The following C2CD2L variants were observed in gnomAD, a reference collection of about 807,000 sequenced individuals.
The protein encoded by C2CD2L is phospholipid transfer protein C2CD2L.
Under a neutral mutation model 69.9 loss-of-function variants are expected in C2CD2L, and 24 were observed. The ratio of observed to expected loss-of-function variants is 0.34; its 90% confidence interval spans 0.25 to 0.48. The LOEUF (loss-of-function observed/expected upper bound fraction) is 0.48. Among genes scored for constraint, C2CD2L ranks in the 20% least tolerant of loss-of-function variants. The pLI, the probability that C2CD2L is intolerant of heterozygous loss-of-function variation, is 0.99. For missense variants in C2CD2L, 811 were observed against 941.5 expected (o/e 0.86, Z 1.81); for synonymous variants, 367 against 391.0 (o/e 0.94, Z 0.72).
In C2CD2L at chr11:119,114,233, A is replaced by G. The variant is rs1178381565; in HGVS notation, c.1777A>G (p.Ser593Gly). Reference protein sequence around the residue: ...MSPGPLDALSSPTSVQEADET... With the variant: ...MSPGPLDALSGPTSVQEADET... ...TCCAGGACCGCTAGATGCCCTCTCT[A>G]GTCCCACAAGTGTCCAGGAAGCAGA... The change falls in exon 13 of 14, where the codon AGT (serine) becomes GGT (glycine). Residue 593 changes from serine (S) to glycine (G), a missense_variant. Coordinates refer to ENST00000648610, the MANE Select transcript of C2CD2L (RefSeq NM_001290474.2). The surrounding 1 kb of genome is among the most constrained non-coding windows in gnomAD (Gnocchi z 5.1). The G allele has an allele frequency of 6.2e-7, 1 of 1,614,174 alleles. No individual in the cohort carries two copies. Among genetic ancestry groups the G allele is most frequent in the South Asian group, 1.1e-5 (1 of 91,086 alleles).
In C2CD2L at chr11:119,107,933, C is replaced by T. The variant is rs998496877; in HGVS notation, c.192C>T (p.Gly64=). The T allele has an allele frequency of 1.3e-6, 2 of 1,541,986 alleles. No individual in the cohort carries two copies. Among genetic ancestry groups the T allele is most frequent in the African/African-American group, 1.4e-5 (1 of 69,158 alleles). ...GEPAGSLREL[G]VWRSLLRLRA... ...CCGCGGGTTCCCTGCGGGAGCTGGG[C>T]GTGTGGCGCTCGCTGCTGCGGCTGC... Residue 64 remains glycine (G), a synonymous_variant, in exon 1 of 14, where the codon GGC becomes GGT. Coordinates refer to ENST00000648610, the MANE Select transcript of C2CD2L (RefSeq NM_001290474.2). This position sits in a 1 kb window ranked among gnomAD's most constrained non-coding sequence, Gnocchi z 5.4.
Position 119,110,286 on chromosome 11 carries a change from G to A in C2CD2L, c.450+87G>A. The A allele has an allele frequency of 9.7e-7, 1 of 1,029,024 alleles. No individual in the cohort carries two copies. Among genetic ancestry groups the A allele is most frequent in the Non-Finnish European group, 1.5e-6 (1 of 669,960 alleles). 63.7% of individuals were successfully genotyped at this position (1,029,024 alleles called of 1,614,324 possible). The stretch of plus-strand genomic sequence containing the variant: ...CTTTAGTCCAGAGGTTCTTAACCTG[G>A]AGTCTGTGAATGCCTTATGGATCTA... On this transcript the variant is annotated intron_variant, in intron 2 of 13. Coordinates refer to ENST00000648610, the MANE Select transcript of C2CD2L (RefSeq NM_001290474.2). This position sits in a 1 kb window ranked among gnomAD's most constrained non-coding sequence, Gnocchi z 5.7.
chr11:119,116,000 C>T, intron 13 of C2CD2L, 45 bp from the exon 14 acceptor site: 5 of 1,547,826 alleles, frequency 3.2e-6, no homozygotes, highest in Non-Finnish European at 3.5e-6. Context: ...CGTCTCACCC[C>T]ACCCCGTGCC....
intron 4 of C2CD2L, 26 bp from the exon 5 acceptor site, chr11:119,111,026 T>C: frequency 6.2e-7 from 1 of 1,611,092 alleles, no homozygotes. Flanking sequence ...ATCCACCTCC[T>C]TGTTGTTCCC....
chr11:119,107,761 A>G lies in C2CD2L; in HGVS notation c.20A>G (p.Gln7Arg), dbSNP rs1192382271. The change falls in exon 1 of 14, where the codon CAG (glutamine) becomes CGG (arginine). Residue 7 changes from glutamine to arginine, a missense_variant. Physicochemically the swap from Gln to Arg is conservative, Grantham distance 43 (BLOSUM62 1). Transcript: ENST00000648610. This position sits in a 1 kb window ranked among gnomAD's most constrained non-coding sequence, Gnocchi z 5.4. ...CGGAGCATGGATCCGGGCTGGGGGC[A>G]GCGGGACGTGGGCTGGGCGGCCTTG... is the stretch of plus-strand genomic sequence containing the variant. MDPGWG[Q>R]RDVGWAALLI... The G allele has an allele frequency of 6.5e-7, 1 of 1,535,126 alleles. No homozygotes were observed. Among genetic ancestry groups the G allele is most frequent in the Admixed American group, 2.0e-5 (1 of 49,366 alleles).
chr11:119,113,443 G>T, intron 10 of C2CD2L, 168 bp from the exon 11 acceptor site: 1 of 970,388 alleles, frequency 1.0e-6, no homozygotes, highest in Admixed American at 2.9e-5. Flanking sequence ...TTAGCTCCTG[G>T]GGTGTCTTTT....
Position 119,114,631 on chromosome 11 carries a change from G to T in C2CD2L, c.1909+266G>T. The stretch of plus-strand genomic sequence containing the variant: ...CCTGAGTCTAAGTGCCATTTTTCCT[G>T]CCCTTTAAAAAAAAATTATAAAAAT... On this transcript the variant is annotated intron_variant, in intron 13 of 13. Coordinates refer to ENST00000648610, the MANE Select transcript of C2CD2L (RefSeq NM_001290474.2). This position sits in a 1 kb window ranked among gnomAD's most constrained non-coding sequence, Gnocchi z 5.1. The T allele has an allele frequency of 2.3e-6, 1 of 429,744 alleles. No homozygotes were observed. The highest frequency in any genetic ancestry group is 4.0e-6 in the Non-Finnish European group (1 of 251,474). 26.6% of individuals were successfully genotyped at this position (429,744 alleles called of 1,614,324 possible). A position where few individuals can be genotyped will look rare whatever the true frequency, so the allele number is the denominator to read the frequency against.
In C2CD2L at chr11:119,111,504, C is replaced by T. The variant is rs1346348023; in HGVS notation, c.911-17C>T. On this transcript the variant is annotated splice_polypyrimidine_tract_variant and intron_variant, in intron 6 of 13. Coordinates refer to ENST00000648610, the MANE Select transcript of C2CD2L (RefSeq NM_001290474.2). ...CATCTCTGATCTGAGCATCTTCTAA[C>T]TTCTGGTTCATCACAGGCACCGAGG... 12 of 1,612,590 alleles carry T rather than the reference C, an allele frequency of 7.4e-6. No homozygotes were observed. The highest frequency in any genetic ancestry group is 2.2e-5 in the East Asian group (1 of 44,886).
chr11:119,113,487 A>G, intron 10 of C2CD2L, 124 bp from the exon 11 acceptor site: 1 of 1,414,958 alleles, frequency 7.1e-7, no homozygotes, highest in Non-Finnish European at 9.4e-7. Flanking sequence ...CACCCTTGTG[A>G]TTAATCACCC....
chr11:119,107,831 G>T lies in C2CD2L; in HGVS notation c.90G>T (p.Leu30=). ...CGCTGCTCACGGTGTTCGCCTGGCT[G>T]CTGCAATATGCCCGGGGCTTGTGGC... ...AASLLTVFAW[L]LQYARGLWLA... Residue 30 remains leucine (L), a synonymous_variant, in exon 1 of 14, where the codon CTG becomes CTT. Transcript: ENST00000648610. The surrounding 1 kb of genome is among the most constrained non-coding windows in gnomAD (Gnocchi z 5.4). The T allele has an allele frequency of 6.4e-7, 1 of 1,552,010 alleles. No individual in the cohort carries two copies.
rs1166377837 is a variant in C2CD2L, at chr11:119,115,734, G to A, written c.1910-311G>A. ...CCCAATCCCAGTTTGTCCTCACAAA[G>A]CGGCCAGCTCCGTGATATCTCTTTT... On this transcript the variant is annotated intron_variant, in intron 13 of 13. Transcript: ENST00000648610. The A allele has an allele frequency of 1.1e-5, 5 of 454,444 alleles. No individual in the cohort carries two copies. In the Admixed American group the frequency reaches 1.5e-4, roughly 14 times the overall value. The allele number at this position is 454,444 out of a possible 1,614,324, so 28.2% of individuals were successfully genotyped here.
upstream of C2CD2L, chr11:119,106,840 C>G (rs1024404576): frequency 6.6e-6 from 1 of 152,280 alleles, no homozygotes; most frequent in Non-Finnish European, 1.5e-5. Flanking sequence ...GGGGGGAATT[C>G]AAATTCGGTG....
upstream of C2CD2L, chr11:119,102,346 A>G: frequency 2.1e-6 from 1 of 471,188 alleles, no homozygotes; most frequent in Non-Finnish European, 4.4e-6. Context: ...TCTTGCAGGA[A>G]ACCTGTTGCC....
At position 119,109,432 on chromosome 11, in the gene C2CD2L, C is replaced by T. The variant is rs1384690336; in HGVS notation, c.355-672C>T. Among the ~76,000 whole-genome samples, 1 of 152,188 alleles carries T rather than the reference C, an allele frequency of 6.6e-6. No individual in the cohort carries two copies. Among genetic ancestry groups the T allele is most frequent in the Non-Finnish European group, 1.5e-5 (1 of 68,032 alleles). On this transcript the variant is annotated intron_variant, in intron 1 of 13. Coordinates refer to ENST00000648610, the MANE Select transcript of C2CD2L (RefSeq NM_001290474.2). This position sits in a 1 kb window ranked among gnomAD's most constrained non-coding sequence, Gnocchi z 5.1. ...TAAGCAGCTTTCTGCTCTCTAATAC[C>T]GTCCTGCTATCTGCCTTGAGGAATT...
At position 119,117,830 on chromosome 11, in the gene C2CD2L, A is replaced by G. The variant is rs1946928814; in HGVS notation, c.*1574A>G. 6.6e-6 allele frequency: 1 copy of G among 152,180 alleles called. No homozygotes were observed. Among genetic ancestry groups the G allele is most frequent in the African/African-American group, 2.4e-5 (1 of 41,448 alleles). 9.4% of individuals were successfully genotyped at this position (152,180 alleles called of 1,614,324 possible). A position where few individuals can be genotyped will look rare whatever the true frequency, so the allele number is the denominator to read the frequency against. On this transcript the variant is annotated 3_prime_UTR_variant, in exon 14 of 14. Coordinates refer to ENST00000648610, the MANE Select transcript of C2CD2L (RefSeq NM_001290474.2). Reference sequence around the variant, plus strand: ...AAACTGAGTCTGCCACAGACAAACCAAGTGATCTTGAGCAGGCAACTTCTC... The same window carrying G: ...AAACTGAGTCTGCCACAGACAAACCGAGTGATCTTGAGCAGGCAACTTCTC...
rs930925251 is a variant in C2CD2L at position 119,107,875 on chromosome 11, A to C, written c.134A>C (p.Asp45Ala). Residue 45 changes from aspartate (D) to alanine (A), a missense_variant, in exon 1 of 14, where the codon GAC becomes GCC. Physicochemically the swap from Asp to Ala is moderately radical, Grantham distance 126. Transcript: ENST00000648610. This position sits in a 1 kb window ranked among gnomAD's most constrained non-coding sequence, Gnocchi z 5.4. ...RGLWLARARGDRGPGPALAGE... is the reference protein window; with the variant it reads ...RGLWLARARGARGPGPALAGE... ...TTGTGGCTGGCGCGGGCCCGCGGGG[A>C]CCGGGGCCCGGGACCCGCCTTAGCC... The C allele has an allele frequency of 1.7e-5, 26 of 1,512,372 alleles. No individual in the cohort carries two copies. Among genetic ancestry groups the C allele is most frequent in the Admixed American group, 1.1e-4 (5 of 46,916 alleles). 93.7% of individuals were successfully genotyped at this position (1,512,372 alleles called of 1,614,324 possible).
intron 13 of C2CD2L, chr11:119,115,614 G>A: frequency 4.4e-6 from 1 of 226,404 alleles, no homozygotes; most frequent in Non-Finnish European, 8.7e-6. Flanking sequence ...CCTGGAATTC[G>A]GTTAACAAGT....
chr11:119,115,876 C>A, intron 13 of C2CD2L, 169 bp from the exon 14 acceptor site: 2 of 605,004 alleles, frequency 3.3e-6, no homozygotes, highest in South Asian at 4.0e-5. Flanking sequence ...TTTCACGAAG[C>A]CTTATGGAGA....
Position 119,114,369 on chromosome 11 carries a change from G to C in C2CD2L, c.1909+4G>C. On this transcript the variant is annotated splice_donor_region_variant and intron_variant, in intron 13 of 13. Coordinates refer to ENST00000648610, the MANE Select transcript of C2CD2L (RefSeq NM_001290474.2). This position sits in a 1 kb window ranked among gnomAD's most constrained non-coding sequence, Gnocchi z 5.1. Reference sequence around the variant, plus strand: ...CGCAGCCTCAAGGATCACAAAGGTAGGGGGACGTTGGCAGGGTGCCCCTCA... The same window carrying C: ...CGCAGCCTCAAGGATCACAAAGGTACGGGGACGTTGGCAGGGTGCCCCTCA... 1.2e-6 allele frequency: 2 copies of C among 1,613,644 alleles called. No homozygotes were observed. The highest frequency in any genetic ancestry group is 1.7e-4 in the Middle Eastern group (1 of 6,060).
Sources: allele counts gnomAD v4.1 joint callset (sites outside exome capture counted in the v4.1 genomes callset), GRCh38; gene constraint gnomAD v4.1.1; non-coding constraint Gnocchi (gnomAD v3.1); transcripts MANE v1.5; gene names NCBI Gene and HGNC (gene_info 2026-07-23, HGNC 2026-07-21).